The following HUNK variants were observed in gnomAD, a reference collection of about 807,000 sequenced individuals.
HUNK encodes hormonally up-regulated Neu-associated kinase, also known as hormonally up-regulated neu tumor-associated kinase.
A neutral mutation model predicts 61.0 loss-of-function variants in HUNK; 21 were observed. The ratio of observed to expected loss-of-function variants is 0.34; its 90% confidence interval spans 0.24 to 0.50. The LOEUF (loss-of-function observed/expected upper bound fraction) is 0.50, where lower values mean the gene tolerates loss of function less well. HUNK is among the 20% of genes least tolerant of loss of function. The pLI, the probability that HUNK is intolerant of heterozygous loss-of-function variation, is 0.98. For synonymous variants in HUNK, 371 were observed against 386.1 expected (o/e 0.96, Z 0.46); for missense variants, 772 against 945.7 (o/e 0.82, Z 2.41).
intron 7 of HUNK, among the ~76,000 whole-genome samples, chr21:31,980,910 G>A (rs1482444823): frequency 6.6e-6 from 1 of 151,670 alleles, no homozygotes; most frequent in Non-Finnish European, 1.5e-5. Context: ...CTCCATGTTG[G>A]TCAGGCTGAT....
Position 31,924,413 on chromosome 21 carries a change from G to T in HUNK, c.262-55G>T, listed in dbSNP as rs1374581829. 4.6e-6 allele frequency: 7 copies of T among 1,522,544 alleles called. No individual in the cohort carries two copies. Among genetic ancestry groups the T allele is most frequent in the South Asian group, 1.3e-5 (1 of 78,906 alleles). 94.3% of individuals were successfully genotyped at this position (1,522,544 alleles called of 1,614,324 possible). On this transcript the variant is annotated intron_variant, in intron 1 of 10. Transcript: ENST00000270112. This position sits in a 1 kb window ranked among gnomAD's most constrained non-coding sequence, Gnocchi z 5.1. Reference sequence around the variant, plus strand: ...TCTTGGGTTCCTGTGAGTAGCCAAGGCATCGCTATTGTCTGTAATGTCTGA... The same window carrying T: ...TCTTGGGTTCCTGTGAGTAGCCAAGTCATCGCTATTGTCTGTAATGTCTGA...
At chr21:31,952,392 T>G (rs1224632481) in intron 4 of HUNK, among the ~76,000 whole-genome samples, 1 of 152,174 alleles carries the variant, frequency 6.6e-6, no homozygotes, top group Non-Finnish European at 1.5e-5. Context: ...TTGGCTGCAC[T>G]CTGTGTAAAC....
At chr21:31,945,711 TTC>T in intron 3 of HUNK, among the ~76,000 whole-genome samples, 1 of 152,104 alleles carries the variant, frequency 6.6e-6, no homozygotes, top group South Asian at 2.1e-4. Flanking sequence ...AGAAAGCGAA[TTC>T]TCTCTTTTTT....
intron 1 of HUNK, among the ~76,000 whole-genome samples, chr21:31,886,967 G>C (rs1352231823): frequency 6.6e-6 from 1 of 152,188 alleles, no homozygotes; most frequent in Non-Finnish European, 1.5e-5. Flanking sequence ...TCCAAGCATG[G>C]TTTGATCTTC....
At chr21:31,893,710 G>A (rs1383384619) in intron 1 of HUNK, among the ~76,000 whole-genome samples, 1 of 152,130 alleles carries the variant, frequency 6.6e-6, no homozygotes, top group African/African-American at 2.4e-5. Flanking sequence ...GATTCTACAC[G>A]AGTTACCAGA....
intron 8 of HUNK, among the ~76,000 whole-genome samples, chr21:31,987,359 T>G (rs1445377840): frequency 6.6e-6 from 1 of 152,320 alleles, no homozygotes; most frequent in Non-Finnish European, 1.5e-5. Context: ...TGCATGTCAC[T>G]CATGAGGACC....
intron 7 of HUNK, among the ~76,000 whole-genome samples, chr21:31,975,494 G>A (rs1030964551): frequency 6.6e-6 from 1 of 152,222 alleles, no homozygotes; most frequent in African/African-American, 2.4e-5. Flanking sequence ...GTGCTGACCA[G>A]CTCTAACAGG....
chr21:31,875,946 G>T (rs903938027), intron 1 of HUNK, among the ~76,000 whole-genome samples: 1 of 152,164 alleles, frequency 6.6e-6, no homozygotes, highest in Admixed American at 6.5e-5. Context: ...TGGCTGAACT[G>T]CCTGGGGGTG....
intron 1 of HUNK, among the ~76,000 whole-genome samples, chr21:31,878,307 G>A (rs1601354697): frequency 6.8e-6 from 1 of 147,912 alleles, no homozygotes; most frequent in African/African-American, 2.5e-5. Flanking sequence ...TTCCATAAAC[G>A]TTAAACTTTA....
chr21:31,942,371 C>T (rs1182559822), intron 3 of HUNK, among the ~76,000 whole-genome samples: 1 of 152,222 alleles, frequency 6.6e-6, no homozygotes, highest in Admixed American at 6.5e-5. Context: ...TAGGTGACCA[C>T]TGACAGAACT....
Position 31,958,971 on chromosome 21 carries a change from G to A in HUNK, c.874+1G>A. ...CCCCTCCCCACTCAGCTCTCCACAG[G>A]TAATGCACCAGCTGCTCTAGATCAC... is the stretch of plus-strand genomic sequence containing the variant. On this transcript the variant is annotated splice_donor_variant, in intron 5 of 10. Transcript: ENST00000270112. LOFTEE classifies it high-confidence loss of function. 6.3e-7 allele frequency: 1 copy of A among 1,596,144 alleles called. No individual in the cohort carries two copies.
chr21:31,893,530 A>G (rs892318589), intron 1 of HUNK, among the ~76,000 whole-genome samples: 1 of 152,128 alleles, frequency 6.6e-6, no homozygotes, highest in African/African-American at 2.4e-5. Context: ...TTGAGCCCCA[A>G]CATGGGTATT....
chr21:31,889,524 A>ACTCAGTT (rs2052371719), intron 1 of HUNK, among the ~76,000 whole-genome samples: 1 of 152,292 alleles, frequency 6.6e-6, no homozygotes, highest in South Asian at 2.1e-4. Context: ...CTAGTCGATG[A>ACTCAGTT]CTCAGTTCTC....
intron 10 of HUNK, among the ~76,000 whole-genome samples, chr21:31,996,616 G>T (rs1178233540): frequency 1.3e-5 from 2 of 152,318 alleles, no homozygotes; most frequent in Non-Finnish European, 2.9e-5. Flanking sequence ...CGCCAAGAGG[G>T]GACACAGGAG....
chr21:31,880,285 G>T (rs538006157), intron 1 of HUNK, among the ~76,000 whole-genome samples: 2 of 152,256 alleles, frequency 1.3e-5, no homozygotes, highest in South Asian at 4.1e-4. Context: ...TCTTCTCTCT[G>T]ACATTCTCTA....
chr21:31,983,267 T>C (rs1370837812), intron 7 of HUNK, among the ~76,000 whole-genome samples: 1 of 152,136 alleles, frequency 6.6e-6, no homozygotes, highest in Admixed American at 6.5e-5. Flanking sequence ...GGGGCAGTGA[T>C]CTACTCAGGG....
intron 1 of HUNK, among the ~76,000 whole-genome samples, chr21:31,913,947 C>A (rs916593784): frequency 1.3e-5 from 2 of 152,092 alleles, no homozygotes; most frequent in African/African-American, 4.8e-5. Context: ...TGTCTACCCA[C>A]TCCTCTGAAC....
In HUNK at chr21:31,968,045, C is replaced by T. The variant is rs142326836; in HGVS notation, c.875-205C>T. Among the ~76,000 whole-genome samples, 279 of 151,978 alleles carry T rather than the reference C, an allele frequency of 1.8e-3. 1 individual carries two copies. The highest frequency in any genetic ancestry group is 6.8e-3 in the Middle Eastern group (2 of 292). On this transcript the variant is annotated intron_variant, in intron 5 of 10. Coordinates refer to ENST00000270112, the MANE Select transcript of HUNK (RefSeq NM_014586.2). ...GAGGGGGAAATGGGATTTTCCACAC[C>T]CCTCCTGTCTGAAGGGAGGTGGGGC...
intron 1 of HUNK, among the ~76,000 whole-genome samples, chr21:31,880,724 T>C (rs2052300496): frequency 6.6e-6 from 1 of 152,188 alleles, no homozygotes; most frequent in Non-Finnish European, 1.5e-5. Context: ...CTTGAAGGTA[T>C]CTTTTGGGGG....
Sources: gnomAD v4.1 joint callset for allele counts (sites outside exome capture counted in the v4.1 genomes callset) on GRCh38, gnomAD v4.1.1 for gene constraint, Gnocchi (gnomAD v3.1) non-coding constraint, MANE v1.5 for transcripts, NCBI Gene and HGNC (gene_info 2026-07-23, HGNC 2026-07-21) for gene names.